The following POT1 variants were observed in gnomAD, a reference collection of about 807,000 sequenced individuals.
POT1 encodes the protein protection of telomeres 1, also known as protection of telomeres protein 1.
In POT1, 47 loss-of-function variants were observed where a neutral mutation model predicts 78.5. The ratio of observed to expected loss-of-function variants is 0.60; its 90% CI spans 0.47 to 0.76. The LOEUF is 0.76. POT1 is among the 30% of genes least tolerant of loss of function. POT1 has a pLI of 0.00. For synonymous variants in POT1, 259 were observed against 260.7 expected, an observed-to-expected ratio of 0.99 and a Z score of 0.06; for missense variants, 646 against 749.9, an observed-to-expected ratio of 0.86 and a Z score of 1.62.
chr7:124,853,276 G>T, intron 9 of POT1, 138 bp from the exon 10 acceptor site: 1 of 634,378 alleles, frequency 1.6e-6, no homozygotes, highest in Non-Finnish European at 2.7e-6. Context: ...TGCAAAGTAT[G>T]CTATACGAGT....
At chr7:124,861,309 A>G (rs945492310) in intron 8 of POT1, among the ~76,000 whole-genome samples, 5 of 152,320 alleles carry the variant, frequency 3.3e-5, no homozygotes, top group Admixed American at 3.3e-4. Flanking sequence ...AACTGGCGTG[A>G]GATGGTATCT....
chr7:124,869,285 G>A (rs1003760726), intron 7 of POT1, among the ~76,000 whole-genome samples: 1 of 152,124 alleles, frequency 6.6e-6, no homozygotes, highest in African/African-American at 2.4e-5. Context: ...TGCTGTTAGA[G>A]GTCATGAGAC....
chr7:124,857,409 T>C (rs957518884), intron 9 of POT1, among the ~76,000 whole-genome samples: 1 of 152,220 alleles, frequency 6.6e-6, no homozygotes, highest in Non-Finnish European at 1.5e-5. Context: ...AAAAGCCTGA[T>C]ACCACGGCCC....
At chr7:124,865,946 G>C (rs1407078858) in intron 7 of POT1, among the ~76,000 whole-genome samples, 1 of 152,010 alleles carries the variant, frequency 6.6e-6, no homozygotes, top group Non-Finnish European at 1.5e-5. Flanking sequence ...TCTTGACTAA[G>C]GGTAACACTT....
rs573324998 is a variant in POT1 at position 124,832,295 on chromosome 7, G to A, written c.1506-2953C>T. Reference sequence around the variant, plus strand: ...AAAAAGTCTGAAATAATGTCAAAACGTTACGATTTGTTAAATCTAAATGGT... The same window carrying A: ...AAAAAGTCTGAAATAATGTCAAAACATTACGATTTGTTAAATCTAAATGGT... On this transcript the variant is annotated intron_variant, in intron 15 of 18. Transcript: ENST00000357628. Among the ~76,000 whole-genome samples, 10 of 146,036 alleles carry A rather than the reference G, an allele frequency of 6.8e-5. No homozygotes were observed. In the East Asian group the frequency reaches 1.4e-3, roughly 20 times the overall value.
chr7:124,827,303 G>A lies in POT1; in HGVS notation c.1597C>T (p.Leu533=), dbSNP rs1490942458. 2 of 1,558,902 alleles carry A rather than the reference G, an allele frequency of 1.3e-6. No homozygotes were observed. The highest frequency in any genetic ancestry group is 2.7e-5 in the African/African-American group (2 of 73,074). The change falls in exon 17 of 19, where the codon CTG becomes TTG. Residue 533 remains leucine, a splice_region_variant and synonymous_variant. Coordinates refer to ENST00000357628, the MANE Select transcript of POT1 (RefSeq NM_015450.3). ...SWIPSSVAEA[L]GIVPLQYVFV... Reference sequence around the variant, plus strand: ...ACATATTGGAGGGGTACAATACCCAGTGCTAGTGAAGGAAAAAAAGATCAA... The same window carrying A: ...ACATATTGGAGGGGTACAATACCCAATGCTAGTGAAGGAAAAAAAGATCAA...
chr7:124,928,065 C>T (rs949763770), intron 2 of POT1, among the ~76,000 whole-genome samples: 19 of 152,012 alleles, frequency 1.2e-4, no homozygotes, highest in Non-Finnish European at 1.9e-4. Context: ...AAATAATATA[C>T]GTAAAAACTA....
chr7:124,891,534 A>C (rs1409853273), intron 6 of POT1, among the ~76,000 whole-genome samples: 1 of 151,496 alleles, frequency 6.6e-6, no homozygotes, highest in Non-Finnish European at 1.5e-5. Flanking sequence ...TTCATTAGGA[A>C]GGTCTTACGA....
At chr7:124,830,944 C>T (rs1462680268) in intron 15 of POT1, among the ~76,000 whole-genome samples, 3 of 152,084 alleles carry the variant, frequency 2.0e-5, no homozygotes, top group Admixed American at 1.3e-4. Context: ...CATGTATGTG[C>T]GCTCACACAT....
intron 8 of POT1, among the ~76,000 whole-genome samples, chr7:124,860,976 T>C (rs1004351720): frequency 6.9e-6 from 1 of 145,356 alleles, no homozygotes; most frequent in African/African-American, 2.4e-5. Flanking sequence ...AGGGTGTATA[T>C]GTGCCACATT....
chr7:124,847,656 C>G (rs1795205029), intron 11 of POT1, among the ~76,000 whole-genome samples: 1 of 152,114 alleles, frequency 6.6e-6, no homozygotes, highest in South Asian at 2.1e-4. Context: ...TTACTATAAA[C>G]TTACAGTAAT....
chr7:124,844,652 G>A (rs192710308), intron 12 of POT1, among the ~76,000 whole-genome samples: 1,566 of 148,394 alleles, frequency 0.011, 29 homozygotes, highest in African/African-American at 0.036. Context: ...GGAGAATGGC[G>A]TGAACCCGGA....
At chr7:124,899,285 T>C (rs529774047) in intron 3 of POT1, among the ~76,000 whole-genome samples, 1 of 152,106 alleles carries the variant, frequency 6.6e-6, no homozygotes, top group African/African-American at 2.4e-5. Flanking sequence ...AAACTGTCTA[T>C]GAATCAAACG....
intron 2 of POT1, among the ~76,000 whole-genome samples, chr7:124,916,361 T>C (rs1364388773): frequency 6.6e-6 from 1 of 152,048 alleles, no homozygotes; most frequent in African/African-American, 2.4e-5. Flanking sequence ...GCATGATTCA[T>C]AGTCAAAAGT....
At chr7:124,843,246 G>C (rs1366079547) in intron 12 of POT1, 7 of 219,524 alleles carry the variant, frequency 3.2e-5, no homozygotes, top group Non-Finnish European at 6.2e-5. Context: ...AAAAAAGCAA[G>C]GTTTATTTAG....
Position 124,915,813 on chromosome 7 carries a change from T to C in POT1, c.-226-167A>G, listed in dbSNP as rs573322095. ...AGACAAGAAACTGTTGAATTTGTTT[T>C]TCTAGAGAAAAATCAGATCTACAAA... On this transcript the variant is annotated intron_variant, in intron 2 of 18. Transcript: ENST00000357628. 1.4e-3 allele frequency among the ~76,000 whole-genome samples: 210 copies of C among 152,168 alleles called. 2 individuals carry two copies. The highest frequency in any genetic ancestry group is 4.3e-3 in the African/African-American group (179 of 41,538).
chr7:124,852,172 A>C (rs770722049), intron 10 of POT1, among the ~76,000 whole-genome samples: 2 of 152,178 alleles, frequency 1.3e-5, no homozygotes, highest in African/African-American at 2.4e-5. Context: ...GAATGATGAA[A>C]TAATACAAAC....
Position 124,846,395 on chromosome 7 carries a change from C to G in POT1, c.1006+547G>C, listed in dbSNP as rs1460985896. Among the ~76,000 whole-genome samples, 5 of 152,054 alleles carry G rather than the reference C, an allele frequency of 3.3e-5. No individual in the cohort carries two copies. In the East Asian group the frequency reaches 9.6e-4, roughly 29 times the overall value. ...TGAGAAATTAAAATTTTTACAATAG[C>G]ACATTTAATAAATTTGTGGTTAAAA... On this transcript the variant is annotated intron_variant, in intron 12 of 18. Transcript: ENST00000357628.
At chr7:124,923,344 G>A (rs1373518497) in intron 2 of POT1, among the ~76,000 whole-genome samples, 1 of 151,518 alleles carries the variant, frequency 6.6e-6, no homozygotes, top group Non-Finnish European at 1.5e-5. Flanking sequence ...AAAGAAAACG[G>A]AAACCATGAA....
Sources: gnomAD v4.1 joint callset for allele counts (sites outside exome capture counted in the v4.1 genomes callset) on GRCh38, gnomAD v4.1.1 for gene constraint, MANE v1.5 for transcripts, NCBI Gene and HGNC (gene_info 2026-07-23, HGNC 2026-07-21) for gene names.